Variants in CYP3A43 observed in about 807,000 individuals in gnomAD.
CYP3A43 encodes cytochrome P450 family 3 subfamily A member 43, also known as cytochrome P450 3A43.
A neutral mutation model predicts 58.0 loss-of-function variants in CYP3A43; 45 were observed. That is an observed-to-expected ratio of 0.78 (90% CI 0.61 to 0.99). The LOEUF (loss-of-function observed/expected upper bound fraction) is 0.99, where lower values mean the gene tolerates loss of function less well. Among genes scored for constraint, CYP3A43 ranks in the 50% least tolerant of loss-of-function variants. CYP3A43 has a pLI of 0.00. For missense variants in CYP3A43, 593 were observed against 591.9 expected, an observed-to-expected ratio of 1.00 and a Z score of -0.02; for synonymous variants, 191 against 201.4, an observed-to-expected ratio of 0.95 and a Z score of 0.44.
At chr7:99,834,321 C>T (rs1459060062) in intron 1 of CYP3A43, among the ~76,000 whole-genome samples, 1 of 152,130 alleles carries the variant, frequency 6.6e-6, no homozygotes, top group East Asian at 1.9e-4. Flanking sequence ...TTTAATGATT[C>T]TTTCAGGAGG....
intron 2 of CYP3A43, among the ~76,000 whole-genome samples, chr7:99,836,925 T>C (rs568193381): frequency 6.6e-6 from 1 of 152,272 alleles, no homozygotes; most frequent in African/African-American, 2.4e-5. Context: ...TAGCGCTCAT[T>C]AGCATCATGT....
At chr7:99,834,264 C>T (rs1179180306) in intron 1 of CYP3A43, among the ~76,000 whole-genome samples, 2 of 152,056 alleles carry the variant, frequency 1.3e-5, no homozygotes, top group Non-Finnish European at 1.5e-5. Context: ...GATGGGGGTA[C>T]GGTACCCCCA....
At chr7:99,838,648 C>G (rs952196127) in intron 2 of CYP3A43, 5 of 1,284,956 alleles carry the variant, frequency 3.9e-6, no homozygotes, top group Non-Finnish European at 4.1e-6. Context: ...TTTCAAATAT[C>G]TTCTGTATTT....
At chr7:99,853,670 C>A (rs1475689668) in intron 7 of CYP3A43, among the ~76,000 whole-genome samples, 2 of 152,170 alleles carry the variant, frequency 1.3e-5, no homozygotes, top group Non-Finnish European at 2.9e-5. Context: ...TATTCTCCTG[C>A]CTCAGCCTCC....
intron 12 of CYP3A43, among the ~76,000 whole-genome samples, chr7:99,865,036 G>C (rs563260391): frequency 6.7e-6 from 1 of 148,254 alleles, no homozygotes; most frequent in African/African-American, 2.6e-5. Flanking sequence ...AGAATAGATA[G>C]GGTTTCAATC....
At chr7:99,862,013 A>G (rs1818258063) in intron 11 of CYP3A43, among the ~76,000 whole-genome samples, 174 bp downstream of exon 11, 1 of 152,216 alleles carries the variant, frequency 6.6e-6, no homozygotes, top group Non-Finnish European at 1.5e-5. Context: ...AACACCTTAT[A>G]ACAACCCTCA....
At chr7:99,837,969 C>A (rs2151594522) in intron 2 of CYP3A43, among the ~76,000 whole-genome samples, 1 of 152,302 alleles carries the variant, frequency 6.6e-6, no homozygotes, top group South Asian at 2.1e-4. Context: ...TGCAAAATTA[C>A]CACTTAAGAA....
At chr7:99,833,194 G>A (rs961253999) in intron 1 of CYP3A43, among the ~76,000 whole-genome samples, 1 of 152,124 alleles carries the variant, frequency 6.6e-6, no homozygotes, top group East Asian at 1.9e-4. Flanking sequence ...GGATTTTAAG[G>A]AATCAGAGAG....
chr7:99,858,727 C>G (rs540064809), intron 9 of CYP3A43, among the ~76,000 whole-genome samples: 17 of 151,144 alleles, frequency 1.1e-4, no homozygotes, highest in Admixed American at 2.0e-4. Context: ...GAGTCTCACT[C>G]TGTCACCCAG....
chr7:99,844,177 A>C lies in CYP3A43; in HGVS notation c.253A>C (p.Met85Leu). Residue 85 changes from methionine to leucine, a missense_variant, in exon 4 of 13, where the codon ATG becomes CTG. Physicochemically the swap from Met to Leu is conservative, Grantham distance 15. Coordinates refer to ENST00000354829, the MANE Select transcript of CYP3A43 (RefSeq NM_057095.3). Reference sequence around the variant, plus strand: ...GGGGCAACAGCCCATGCTGGTCATCATGGATCCCGACATGATCAAAACAGT... The same window carrying C: ...GGGGCAACAGCCCATGCTGGTCATCCTGGATCCCGACATGATCAAAACAGT... ...YEGQQPMLVI[M>L]DPDMIKTVLV... 1 of 1,613,980 alleles carries C rather than the reference A, an allele frequency of 6.2e-7. No individual in the cohort carries two copies. The highest frequency in any genetic ancestry group is 1.1e-5 in the South Asian group (1 of 90,986).
At chr7:99,860,209 G>T (rs1017253609) in intron 10 of CYP3A43, among the ~76,000 whole-genome samples, 2 of 152,216 alleles carry the variant, frequency 1.3e-5, no homozygotes, top group Non-Finnish European at 2.9e-5. Flanking sequence ...TGCTGGTCCT[G>T]CTGCATCCGT....
chr7:99,864,390 T>C (rs1239447684), intron 12 of CYP3A43, among the ~76,000 whole-genome samples: 1 of 148,698 alleles, frequency 6.7e-6, no homozygotes, highest in Non-Finnish European at 1.5e-5. Context: ...TTCAACCCAA[T>C]AATAGCTCTA....
chr7:99,833,732 C>A (rs1325296221), intron 1 of CYP3A43, among the ~76,000 whole-genome samples: 7 of 152,204 alleles, frequency 4.6e-5, no homozygotes, highest in Non-Finnish European at 1.0e-4. Flanking sequence ...GCCACCTCCT[C>A]GCGGAGCTGA....
At chr7:99,828,642 C>T (rs1234783597) in intron 1 of CYP3A43, among the ~76,000 whole-genome samples, 2 of 151,686 alleles carry the variant, frequency 1.3e-5, no homozygotes, top group Non-Finnish European at 2.9e-5. Flanking sequence ...GCCTGGGTGA[C>T]AGAGCAAGAC....
rs959594696 is a variant in CYP3A43, at chr7:99,847,700, G to T, written c.432+99G>T. ...GTTCCTTTCTAATGGGTAGTCCACT[G>T]AGTTTGAGCTTTCTAAAAAGGGTCT... On this transcript the variant is annotated intron_variant, in intron 5 of 12. Coordinates refer to ENST00000354829, the MANE Select transcript of CYP3A43 (RefSeq NM_057095.3). The T allele has an allele frequency of 4.5e-6, 7 of 1,561,976 alleles. No homozygotes were observed. The African/African-American group carries it at 9.5e-5, about 21-fold the overall frequency.
chr7:99,850,038 C>T (rs1469926545), intron 7 of CYP3A43: 2 of 445,296 alleles, frequency 4.5e-6, no homozygotes, highest in Non-Finnish European at 8.9e-6. Flanking sequence ...CTCACTGAAA[C>T]CTCCACCTCC....
Position 99,861,678 on chromosome 7 carries a change from C to CA in CYP3A43, c.1093dup (p.Arg365LysfsTer7), listed in dbSNP as rs757846685. The CA allele has an allele frequency of 9.9e-6, 16 of 1,614,124 alleles. No homozygotes were observed. Among genetic ancestry groups the CA allele is most frequent in the Non-Finnish European group, 1.4e-5 (16 of 1,180,014 alleles). The stretch of plus-strand genomic sequence containing the variant: ...TTGACATGGTGGTGAATGAAACGCT[C>CA]AGATTATTCCCAGTTGTTAGTAGAG... On this transcript the variant is annotated frameshift_variant, in exon 11 of 13. Transcript: ENST00000354829. LOFTEE classifies it high-confidence loss of function.
At chr7:99,848,082 C>A in intron 5 of CYP3A43, 84 bp from the exon 6 acceptor site, 1 of 1,329,866 alleles carries the variant, frequency 7.5e-7, no homozygotes, top group Admixed American at 1.9e-5. Flanking sequence ...TACAAAATAT[C>A]ATTTACTGTT....
In CYP3A43 at chr7:99,860,328, G is replaced by A. The variant is rs79979187; in HGVS notation, c.1026+338G>A. Among the ~76,000 whole-genome samples the A allele has an allele frequency of 3.3e-3, 498 of 152,274 alleles. 1 individual carries two copies. The highest frequency in any genetic ancestry group is 0.01 in the African/African-American group (423 of 41,554). On this transcript the variant is annotated intron_variant, in intron 10 of 12. Coordinates refer to ENST00000354829, the MANE Select transcript of CYP3A43 (RefSeq NM_057095.3). ...CTGGATAGTGAGCTCTGCTGATATT[G>A]GCTGGACTCGCTGTGGTCTGGCAGT...
Sources: allele counts gnomAD v4.1 joint callset (sites outside exome capture counted in the v4.1 genomes callset), GRCh38; gene constraint gnomAD v4.1.1; transcripts MANE v1.5; gene names NCBI Gene and HGNC (gene_info 2026-07-23, HGNC 2026-07-21).